NIBAN1: variants seen among roughly 807,000 people sequenced by gnomAD.
The protein encoded by NIBAN1 is niban apoptosis regulator 1, also known as protein Niban 1.
A neutral mutation model predicts 75.1 loss-of-function variants in NIBAN1; 81 were observed. The ratio of observed to expected loss-of-function variants is 1.08; its 90% CI spans 0.90 to 1.30. The LOEUF (loss-of-function observed/expected upper bound fraction) is 1.30, where lower values mean the gene tolerates loss of function less well. NIBAN1 is among the 50% of genes most tolerant of loss of function. NIBAN1 has a pLI of 0.00. For synonymous variants in NIBAN1, 436 were observed against 424.8 expected (o/e 1.03, Z -0.32); for missense variants, 1,133 against 1,128.1 (o/e 1.00, Z -0.06).
chr1:184,883,732 G>A (rs1253934804), intron 5 of NIBAN1, among the ~76,000 whole-genome samples: 1 of 152,178 alleles, frequency 6.6e-6, no homozygotes, highest in African/African-American at 2.4e-5. Context: ...GGTGTACCCA[G>A]TGAGTCAGAA....
chr1:184,942,997 T>C (rs1020492191), intron 1 of NIBAN1, among the ~76,000 whole-genome samples: 4 of 152,206 alleles, frequency 2.6e-5, no homozygotes, highest in African/African-American at 9.6e-5. Context: ...GAGCTTAGCA[T>C]TTTGCTGTTT....
intron 1 of NIBAN1, among the ~76,000 whole-genome samples, chr1:184,932,973 A>C (rs111303219): frequency 1.3e-5 from 2 of 152,378 alleles, no homozygotes; most frequent in African/African-American, 4.8e-5. Flanking sequence ...TCAATAATGC[A>C]GAAAGCATAA....
intron 5 of NIBAN1, among the ~76,000 whole-genome samples, chr1:184,840,853 C>T (rs1655267576): frequency 1.3e-5 from 2 of 151,760 alleles, no homozygotes; most frequent in African/African-American, 2.4e-5. Flanking sequence ...TAAAACCACC[C>T]AAATCATGGG....
intron 5 of NIBAN1, among the ~76,000 whole-genome samples, chr1:184,857,769 A>C (rs2102271883): frequency 6.6e-6 from 1 of 152,230 alleles, no homozygotes; most frequent in Non-Finnish European, 1.5e-5. Context: ...ATATAATTTT[A>C]ATATATGGCA....
At chr1:184,868,236 C>A in intron 5 of NIBAN1, 2 of 194,160 alleles carry the variant, frequency 1.0e-5, no homozygotes, top group Non-Finnish European at 1.9e-5. Context: ...TTGTGGTCTC[C>A]AAAAGAAAAT....
At chr1:184,816,485 G>T (rs754381020) in intron 9 of NIBAN1, among the ~76,000 whole-genome samples, 1 of 152,178 alleles carries the variant, frequency 6.6e-6, no homozygotes, top group East Asian at 1.9e-4. Flanking sequence ...TGGCCCAAGA[G>T]GGGGAATTAT....
intron 9 of NIBAN1, among the ~76,000 whole-genome samples, chr1:184,811,648 A>G (rs1462674933): frequency 6.6e-6 from 1 of 151,090 alleles, no homozygotes; most frequent in Non-Finnish European, 1.5e-5. Context: ...CCCCGCCACC[A>G]CGCCCGGCTA....
At chr1:184,832,688 C>A (rs1393776279) in intron 5 of NIBAN1, among the ~76,000 whole-genome samples, 3 of 152,172 alleles carry the variant, frequency 2.0e-5, no homozygotes, top group African/African-American at 7.2e-5. Context: ...GTCTTACATA[C>A]TAGTTTTACG....
intron 1 of NIBAN1, among the ~76,000 whole-genome samples, chr1:184,911,658 G>A (rs1349030918): frequency 6.6e-6 from 1 of 152,154 alleles, no homozygotes; most frequent in Non-Finnish European, 1.5e-5. Context: ...AGGTTAAAAA[G>A]TACTGCTATG....
intron 4 of NIBAN1, among the ~76,000 whole-genome samples, chr1:184,886,480 T>G (rs536146371): frequency 6.6e-6 from 1 of 152,310 alleles, no homozygotes; most frequent in African/African-American, 2.4e-5. Context: ...TTTGTTGGCC[T>G]AGGATATTTT....
chr1:184,970,565 A>G (rs1658910987), intron 1 of NIBAN1, among the ~76,000 whole-genome samples: 1 of 152,220 alleles, frequency 6.6e-6, no homozygotes, highest in African/African-American at 2.4e-5. Flanking sequence ...AATATGTGCT[A>G]TTTTAAAGCT....
At chr1:184,887,588 G>A (rs1656560037) in intron 4 of NIBAN1, among the ~76,000 whole-genome samples, 2 of 152,130 alleles carry the variant, frequency 1.3e-5, no homozygotes, top group African/African-American at 4.8e-5. Context: ...TATCTGGAAT[G>A]AGAATGCTAT....
In NIBAN1 at chr1:184,893,377, T is replaced by C. The variant is rs556801019; in HGVS notation, c.318+698A>G. 5.2e-4 allele frequency among the ~76,000 whole-genome samples: 79 copies of C among 152,240 alleles called. 1 individual carries two copies. The highest frequency in any genetic ancestry group is 9.4e-4 in the Non-Finnish European group (64 of 68,000). On this transcript the variant is annotated intron_variant, in intron 3 of 13. Coordinates refer to ENST00000367511, the MANE Select transcript of NIBAN1 (RefSeq NM_052966.4). ...ATTCTTTCCCCTATACCACACTACCTTCCTACATAAGGAAAGAAATGGGAA... is the reference window on the plus strand; with the variant it reads ...ATTCTTTCCCCTATACCACACTACCCTCCTACATAAGGAAAGAAATGGGAA...
chr1:184,844,613 T>C (rs531802766), intron 5 of NIBAN1, among the ~76,000 whole-genome samples: 5 of 152,214 alleles, frequency 3.3e-5, no homozygotes, highest in African/African-American at 9.6e-5. Flanking sequence ...GGTCGGAAAA[T>C]AAGAATAAAA....
chr1:184,920,680 T>C (rs1657505426), intron 1 of NIBAN1, among the ~76,000 whole-genome samples: 1 of 152,212 alleles, frequency 6.6e-6, no homozygotes. Context: ...TTTGGTAGTC[T>C]ATCAACTGCT....
intron 11 of NIBAN1, 113 bp from the exon 12 acceptor site, chr1:184,803,805 C>T (rs1654114390): frequency 2.4e-6 from 2 of 821,830 alleles, no homozygotes; most frequent in African/African-American, 3.4e-5. Flanking sequence ...TGTCTGAGAA[C>T]TCTTGTATTT....
chr1:184,966,670 C>T (rs890487510), intron 1 of NIBAN1, among the ~76,000 whole-genome samples: 4 of 152,106 alleles, frequency 2.6e-5, no homozygotes, highest in Admixed American at 2.0e-4. Context: ...TCTTGACCTG[C>T]GTAGTGGCTA....
intron 1 of NIBAN1, among the ~76,000 whole-genome samples, chr1:184,949,673 G>A (rs1460689176): frequency 7.2e-5 from 11 of 152,140 alleles, no homozygotes. Context: ...ATAAGAGTAA[G>A]AGATAGCACA....
At chr1:184,806,355 G>A (rs1183254786) in intron 10 of NIBAN1, among the ~76,000 whole-genome samples, 1 of 152,200 alleles carries the variant, frequency 6.6e-6, no homozygotes, top group African/African-American at 2.4e-5. Context: ...CTGATTAAGG[G>A]ATGAGGCTGG....
Sources: gnomAD v4.1 joint callset for allele counts (sites outside exome capture counted in the v4.1 genomes callset) on GRCh38, gnomAD v4.1.1 for gene constraint, MANE v1.5 for transcripts, NCBI Gene and HGNC (gene_info 2026-07-23, HGNC 2026-07-21) for gene names.